CLASP1: variants seen among roughly 807,000 people sequenced by gnomAD.
CLASP1 encodes the protein CLIP-associating protein 1.
Under a neutral mutation model 192.3 loss-of-function variants are expected in CLASP1, and 38 were observed. The ratio of observed to expected loss-of-function variants is 0.20; its 90% CI spans 0.15 to 0.26. The LOEUF is 0.26. CLASP1 is among the 10% of genes least tolerant of loss of function. CLASP1 has a pLI of 1.00. For synonymous variants in CLASP1, 691 were observed against 712.8 expected (o/e 0.97, Z 0.49); for missense variants, 1,433 against 1,932.5 (o/e 0.74, Z 4.85).
rs186088184 is a variant in CLASP1 at position 121,571,787 on chromosome 2, C to T, written c.195+33914G>A. Among the ~76,000 whole-genome samples the T allele has an allele frequency of 3.6e-4, 55 of 152,078 alleles. 1 individual carries two copies. Among genetic ancestry groups the T allele is most frequent in the African/African-American group, 1.1e-3 (44 of 41,506 alleles). ...CAGTGTGGCTACAGTATGGAGGGAA[C>T]GTGGTGGAAGAAAAGCAAAGAATGG... is the stretch of plus-strand genomic sequence containing the variant. On this transcript the variant is annotated intron_variant, in intron 2 of 39. Transcript: ENST00000263710.
intron 6 of CLASP1, among the ~76,000 whole-genome samples, chr2:121,516,187 A>G (rs1281052835): frequency 6.6e-6 from 1 of 152,244 alleles, no homozygotes; most frequent in Non-Finnish European, 1.5e-5. Flanking sequence ...TGGGTAGTAC[A>G]GGCCATATGA....
At chr2:121,375,798 T>G (rs907587662) in intron 34 of CLASP1, among the ~76,000 whole-genome samples, 6 of 152,164 alleles carry the variant, frequency 3.9e-5, no homozygotes, top group African/African-American at 9.7e-5. Flanking sequence ...TGTCTGCCTC[T>G]CCCATGAGAC....
intron 9 of CLASP1, among the ~76,000 whole-genome samples, chr2:121,469,375 T>C (rs979937676): frequency 1.3e-5 from 2 of 152,166 alleles, no homozygotes; most frequent in African/African-American, 2.4e-5. Context: ...TAGGGGCCAG[T>C]CTACAAAATA....
intron 19 of CLASP1, among the ~76,000 whole-genome samples, chr2:121,443,457 G>C (rs188944671): frequency 6.6e-6 from 1 of 152,170 alleles, no homozygotes; most frequent in East Asian, 1.9e-4. Context: ...TCCCCTCCCA[G>C]TAAGGCTGAG....
intron 15 of CLASP1, among the ~76,000 whole-genome samples, chr2:121,451,264 A>C (rs1466336714): frequency 6.6e-6 from 1 of 152,236 alleles, no homozygotes; most frequent in Non-Finnish European, 1.5e-5. Flanking sequence ...TTTAAAAAAC[A>C]CAAGCTGATT....
At chr2:121,370,251 C>T (rs879783114) in intron 34 of CLASP1, among the ~76,000 whole-genome samples, 3 of 152,200 alleles carry the variant, frequency 2.0e-5, no homozygotes, top group African/African-American at 4.8e-5. Flanking sequence ...TTTATATCCA[C>T]CTCAATGTTT....
intron 10 of CLASP1, 99 bp downstream of exon 10, chr2:121,462,433 C>G: frequency 1.5e-6 from 1 of 665,732 alleles, no homozygotes; most frequent in Non-Finnish European, 2.6e-6. Context: ...TTAAAATTAC[C>G]TGACCTAGTA....
Position 121,473,790 on chromosome 2 carries a change from A to G in CLASP1, c.713-3830T>C, listed in dbSNP as rs537598825. On this transcript the variant is annotated intron_variant, in intron 8 of 39. Transcript: ENST00000263710. Reference sequence around the variant, plus strand: ...TTCATCAGAAACCCTGCCAGCCAGAACACAATGGAAATGATGCTTGAAAAT... The same window carrying G: ...TTCATCAGAAACCCTGCCAGCCAGAGCACAATGGAAATGATGCTTGAAAAT... Among the ~76,000 whole-genome samples the G allele has an allele frequency of 3.5e-4, 54 of 152,326 alleles. No individual in the cohort carries two copies. In the South Asian group the frequency reaches 0.011, roughly 32 times the overall value.
chr2:121,645,118 A>C (rs2072936531), intron 1 of CLASP1, among the ~76,000 whole-genome samples: 1 of 152,158 alleles, frequency 6.6e-6, no homozygotes, highest in Non-Finnish European at 1.5e-5. Flanking sequence ...CAAGCCCCTG[A>C]AGTGCAGGGG....
intron 2 of CLASP1, among the ~76,000 whole-genome samples, chr2:121,590,274 A>T (rs2062230260): frequency 2.0e-5 from 3 of 152,246 alleles, no homozygotes; most frequent in Admixed American, 2.0e-4. Flanking sequence ...AACTTCCAGC[A>T]CAGAGGTACA....
chr2:121,459,319 C>T (rs1157927351), intron 12 of CLASP1, among the ~76,000 whole-genome samples: 1 of 152,112 alleles, frequency 6.6e-6, no homozygotes, highest in African/African-American at 2.4e-5. Flanking sequence ...CATACCAGCC[C>T]ACCTGCCCCA....
intron 2 of CLASP1, among the ~76,000 whole-genome samples, chr2:121,571,327 CA>C (rs1462844837): frequency 6.6e-6 from 1 of 151,972 alleles, no homozygotes; most frequent in Admixed American, 6.6e-5. Context: ...AGGTGTGTGC[CA>C]CCATGCCCAG....
chr2:121,635,327 T>C (rs2070633458), intron 1 of CLASP1, among the ~76,000 whole-genome samples: 1 of 152,220 alleles, frequency 6.6e-6, no homozygotes, highest in Non-Finnish European at 1.5e-5. Flanking sequence ...TGTTGTTATG[T>C]TGCTTGGAAC....
chr2:121,605,772 G>A, exon 2 of CLASP1: 1 of 1,614,000 alleles, frequency 6.2e-7, no homozygotes, highest in Non-Finnish European at 8.5e-7. Context: ...GTCTGGTCAT[G>A]CTCAAGGTCA....
At chr2:121,354,963 TCTCCTCCCCATCTCCTGCA>T (rs1182827387) in intron 37 of CLASP1, among the ~76,000 whole-genome samples, 8 of 152,020 alleles carry the variant, frequency 5.3e-5, no homozygotes, top group African/African-American at 1.9e-4. Context: ...GTTTTCCTTC[TCTCCTCCCCATCTCCTGCA>T]CTCTATTGCC....
chr2:121,436,432 A>G (rs574131373), intron 19 of CLASP1, among the ~76,000 whole-genome samples: 1 of 147,458 alleles, frequency 6.8e-6, no homozygotes, highest in South Asian at 2.2e-4. Flanking sequence ...TTTTTTTGAG[A>G]CAGAGTCTCA....
intron 19 of CLASP1, among the ~76,000 whole-genome samples, chr2:121,440,758 T>G (rs535098321): frequency 6.7e-6 from 1 of 150,076 alleles, no homozygotes; most frequent in South Asian, 2.1e-4. Flanking sequence ...TTATAATCTA[T>G]TAAGTGACAG....
chr2:121,390,258 A>G (rs756853940), intron 30 of CLASP1, among the ~76,000 whole-genome samples: 2 of 152,222 alleles, frequency 1.3e-5, no homozygotes, highest in Non-Finnish European at 2.9e-5. Flanking sequence ...AGATGCATTA[A>G]AAAAGCCTGG....
At chr2:121,451,142 G>A (rs568171856) in intron 15 of CLASP1, among the ~76,000 whole-genome samples, 152 bp from the exon 16 acceptor site, 1 of 152,328 alleles carries the variant, frequency 6.6e-6, no homozygotes, top group South Asian at 2.1e-4. Flanking sequence ...GGCAAAGCAC[G>A]GCACTCCTAC....
Sources: gnomAD v4.1 joint callset for allele counts (sites outside exome capture counted in the v4.1 genomes callset) on GRCh38, gnomAD v4.1.1 for gene constraint, MANE v1.5 for transcripts, NCBI Gene and HGNC (gene_info 2026-07-23, HGNC 2026-07-21) for gene names.